THOC2: variants seen among roughly 807,000 people sequenced by gnomAD.
THOC2 encodes THO complex subunit 2, also known as THO complex 2.
Under a neutral mutation model 128.4 loss-of-function variants are expected in THOC2, and 10 were observed. The ratio of observed to expected loss-of-function variants is 0.08; its 90% CI spans 0.05 to 0.13. The LOEUF (loss-of-function observed/expected upper bound fraction) is 0.13. Ranked by LOEUF, THOC2 falls within the 10% of genes least tolerant of loss-of-function variation. The pLI is 1.00. For synonymous variants in THOC2, 393 were observed against 396.9 expected (o/e 0.99, Z 0.12); for missense variants, 535 against 1,155.7 (o/e 0.46, Z 7.79).
At chrX:123,712,681 T>C (rs765516520) in intron 2 of THOC2, among the ~76,000 whole-genome samples, 169 bp downstream of exon 2, 4 of 112,328 alleles carry the variant, frequency 3.6e-5, no homozygotes, top group Non-Finnish European at 7.5e-5. Context: ...TACAGAGATA[T>C]AGTCTTACTG....
chrX:123,603,648 C>T (rs747134147), intron 38 of THOC2: 3 of 517,317 alleles, frequency 5.8e-6, no homozygotes, highest in East Asian at 3.6e-5. Context: ...ATGGACAGCA[C>T]CAGAAGCTCT....
chrX:123,668,335 T>G, intron 9 of THOC2, 21 bp from the exon 10 acceptor site: 2 of 1,095,164 alleles, frequency 1.8e-6, no homozygotes, highest in Non-Finnish European at 2.5e-6. Context: ...TACATTAAAA[T>G]TTCATAAAAT....
intron 33 of THOC2, 32 bp downstream of exon 33, chrX:123,619,369 A>T: frequency 1.0e-6 from 1 of 972,465 alleles, no homozygotes; most frequent in Non-Finnish European, 1.5e-6. Flanking sequence ...CATTTGGTTT[A>T]CTTAGGCATG....
At chrX:123,700,881 GT>G in intron 4 of THOC2, among the ~76,000 whole-genome samples, 1 of 110,983 alleles carries the variant, frequency 9.0e-6, no homozygotes, top group East Asian at 2.8e-4. Context: ...CATTATTATT[GT>G]CATCATCATC....
intron 1 of THOC2, among the ~76,000 whole-genome samples, chrX:123,728,558 G>A (rs931735425): frequency 2.0e-4 from 22 of 110,840 alleles, no homozygotes; most frequent in African/African-American, 2.6e-4. Context: ...GCAACTTTGC[G>A]AGGAAAAAAG....
At chrX:123,620,637 G>A in intron 32 of THOC2, 1 of 286,326 alleles carries the variant, frequency 3.5e-6, no homozygotes, top group Non-Finnish European at 6.1e-6. Context: ...GCTTAAAGCA[G>A]TTGAGGCACT....
chrX:123,627,660 TA>T, intron 23 of THOC2, 32 bp downstream of exon 23: 1 of 1,189,856 alleles, frequency 8.4e-7, no homozygotes. Context: ...ACCATAAAGT[TA>T]TTGCACTTGA....
chrX:123,669,657 A>G, intron 9 of THOC2, among the ~76,000 whole-genome samples: 1 of 111,571 alleles, frequency 9.0e-6, no homozygotes, highest in Non-Finnish European at 1.9e-5. Context: ...AACTCCCTCT[A>G]ATGGCCAAAC....
chrX:123,673,640 G>A (rs113012329), intron 8 of THOC2, among the ~76,000 whole-genome samples: 6 of 111,312 alleles, frequency 5.4e-5, no homozygotes, highest in African/African-American at 1.3e-4. Context: ...ATACTTCCAC[G>A]GAATCATATG....
At chrX:123,646,802 C>A (rs752116326) in intron 12 of THOC2, among the ~76,000 whole-genome samples, 2 of 111,141 alleles carry the variant, frequency 1.8e-5, no homozygotes, top group Non-Finnish European at 3.8e-5. Context: ...GGTTTGGTTT[C>A]GGGGTGGTAA....
chrX:123,676,947 C>T, intron 8 of THOC2, among the ~76,000 whole-genome samples: 1 of 111,505 alleles, frequency 9.0e-6, no homozygotes, highest in Non-Finnish European at 1.9e-5. Context: ...AATCATGTTC[C>T]ATTTGTCTTA....
chrX:123,641,025 G>A (rs962840271), intron 15 of THOC2, among the ~76,000 whole-genome samples: 5 of 111,568 alleles, frequency 4.5e-5, no homozygotes, highest in African/African-American at 1.3e-4. Context: ...GAAATGTCTC[G>A]TGCCATCTGT....
At chrX:123,639,790 C>A (rs143232384) in intron 16 of THOC2, among the ~76,000 whole-genome samples, 3,822 of 111,421 alleles carry the variant, frequency 0.034, 109 homozygotes, top group African/African-American at 0.09. Context: ...TGCACATGTA[C>A]CCCTTGCATC....
chrX:123,671,517 TA>T (rs1327505633), intron 9 of THOC2, 151 bp downstream of exon 9: 3 of 321,979 alleles, frequency 9.3e-6, no homozygotes, highest in Non-Finnish European at 1.7e-5. Flanking sequence ...CTTTATAAAG[TA>T]AACACAAATC....
At chrX:123,731,567 A>G (rs892101210) in intron 1 of THOC2, among the ~76,000 whole-genome samples, 2 of 112,232 alleles carry the variant, frequency 1.8e-5, no homozygotes, top group African/African-American at 6.5e-5. Flanking sequence ...TACAGGCATT[A>G]TTTAGTCTTC....
At chrX:123,614,358 G>C (rs1466533061) in intron 33 of THOC2, among the ~76,000 whole-genome samples, 169 bp from the exon 34 acceptor site, 3 of 110,741 alleles carry the variant, frequency 2.7e-5, no homozygotes, top group East Asian at 5.6e-4. Flanking sequence ...TTATACAAAG[G>C]CTTCAATTCT....
chrX:123,644,733 A>G (rs970638001), intron 14 of THOC2, 46 bp downstream of exon 14: 3 of 1,155,544 alleles, frequency 2.6e-6, no homozygotes, highest in Non-Finnish European at 3.5e-6. Context: ...AGGTTAATAT[A>G]CTAGAATTAC....
rs150070988 is a variant in THOC2, at chrX:123,690,563, A to G, written c.602-3849T>C. 8.9e-5 allele frequency among the ~76,000 whole-genome samples: 10 copies of G among 111,818 alleles called. No individual in the cohort carries two copies. In the East Asian group the frequency reaches 2.8e-3, roughly 31 times the overall value. ...ACAGTGACACCAACTAGGGGCAAGA[A>G]ATATGATCAAACTGACAATGACTGT... On this transcript the variant is annotated intron_variant, in intron 7 of 38. Transcript: ENST00000245838.
intron 8 of THOC2, among the ~76,000 whole-genome samples, chrX:123,685,653 A>G: frequency 1.8e-5 from 2 of 112,086 alleles, no homozygotes. Context: ...GTGAAGTGCT[A>G]TTTCTGCCAC....
Sources: gnomAD v4.1 joint callset for allele counts (sites outside exome capture counted in the v4.1 genomes callset) on GRCh38, gnomAD v4.1.1 for gene constraint, MANE v1.5 for transcripts, NCBI Gene and HGNC (gene_info 2026-07-23, HGNC 2026-07-21) for gene names.